DNAH14: variants seen among roughly 807,000 people sequenced by gnomAD.
The protein encoded by DNAH14 is axonemal beta dynein heavy chain 14.
A neutral mutation model predicts 520.9 loss-of-function variants in DNAH14; 478 were observed. That is an observed-to-expected ratio of 0.92 (90% CI 0.85 to 0.99). DNAH14 has a LOEUF of 0.99. Ranked by LOEUF, DNAH14 falls within the 50% of genes least tolerant of loss-of-function variation. The pLI is 0.00. For synonymous variants in DNAH14, 1,581 were observed against 1,757.2 expected (o/e 0.90, Z 2.51); for missense variants, 4,831 against 5,234.5 (o/e 0.92, Z 2.38).
chr1:225,323,878 T>C (rs1292259044), intron 62 of DNAH14, among the ~76,000 whole-genome samples: 1 of 150,778 alleles, frequency 6.6e-6, no homozygotes, highest in African/African-American at 2.4e-5. Flanking sequence ...TGCAGCGGCA[T>C]GATCTTGGCT....
At chr1:225,166,005 G>T (rs1322476878) in intron 35 of DNAH14, among the ~76,000 whole-genome samples, 3 of 151,860 alleles carry the variant, frequency 2.0e-5, no homozygotes, top group Admixed American at 2.0e-4. Flanking sequence ...TGAAGATTTT[G>T]ATTTATATTT....
intron 8 of DNAH14, among the ~76,000 whole-genome samples, chr1:225,000,391 C>T (rs2063677391): frequency 1.3e-5 from 2 of 151,422 alleles, no homozygotes; most frequent in Non-Finnish European, 2.9e-5. Flanking sequence ...TTTGAGTTCC[C>T]TTAGCTTCTT....
In DNAH14 at chr1:225,232,960, C is replaced by A. The variant is rs1279439321; in HGVS notation, c.6518+1809C>A. 6.6e-6 allele frequency among the ~76,000 whole-genome samples: 1 copy of A among 152,128 alleles called. No homozygotes were observed. The highest frequency in any genetic ancestry group is 1.5e-5 in the Non-Finnish European group (1 of 68,024). On this transcript the variant is annotated intron_variant, in intron 42 of 85. Coordinates refer to ENST00000682510, the MANE Select transcript of DNAH14 (RefSeq NM_001367479.1). This position sits in a 1 kb window ranked among gnomAD's most constrained non-coding sequence, Gnocchi z 4.2. Reference sequence around the variant, plus strand: ...TTTCCTGATGCCCTTCCTCCCCTGACCACCACCCCAACAGTCCCCAGTGTG... The same window carrying A: ...TTTCCTGATGCCCTTCCTCCCCTGAACACCACCCCAACAGTCCCCAGTGTG...
intron 17 of DNAH14, among the ~76,000 whole-genome samples, chr1:225,060,359 C>T (rs1464665448): frequency 6.6e-6 from 1 of 152,172 alleles, no homozygotes; most frequent in East Asian, 1.9e-4. Context: ...TGGTTTTCAG[C>T]TCCATCATGT....
chr1:225,122,063 T>C (rs1407793686), intron 26 of DNAH14, among the ~76,000 whole-genome samples: 1 of 152,044 alleles, frequency 6.6e-6, no homozygotes, highest in Non-Finnish European at 1.5e-5. Context: ...TGCTTTCTGA[T>C]TCCAAAAAGA....
intron 11 of DNAH14, among the ~76,000 whole-genome samples, chr1:225,026,931 T>C (rs2066160570): frequency 6.6e-6 from 1 of 151,448 alleles, no homozygotes; most frequent in African/African-American, 2.4e-5. Flanking sequence ...TTTAATTTCT[T>C]TCAATATTTT....
At chr1:225,352,020 C>A in intron 72 of DNAH14, 137 bp downstream of exon 72, 1 of 651,538 alleles carries the variant, frequency 1.5e-6, no homozygotes, top group Non-Finnish European at 2.6e-6. Flanking sequence ...TCAGCATGCA[C>A]ATGTTATTCA....
chr1:225,144,356 A>C, intron 28 of DNAH14, 41 bp from the exon 29 acceptor site: 1 of 1,411,310 alleles, frequency 7.1e-7, no homozygotes, highest in Non-Finnish European at 9.7e-7. Flanking sequence ...CATAAAAATA[A>C]TTTAACCAAA....
intron 64 of DNAH14, among the ~76,000 whole-genome samples, chr1:225,325,454 C>T (rs949786204): frequency 6.7e-6 from 1 of 149,770 alleles, no homozygotes. Context: ...CATTACACTC[C>T]AGCCTGGGCA....
chr1:225,066,484 T>G (rs966007171), intron 17 of DNAH14, among the ~76,000 whole-genome samples: 1 of 152,042 alleles, frequency 6.6e-6, no homozygotes, highest in Non-Finnish European at 1.5e-5. Flanking sequence ...TTTTAAATTT[T>G]TAATTTATTT....
intron 42 of DNAH14, among the ~76,000 whole-genome samples, chr1:225,238,759 C>T (rs1044209263): frequency 6.6e-6 from 1 of 152,016 alleles, no homozygotes; most frequent in African/African-American, 2.4e-5. Flanking sequence ...CCAGCCCCAC[C>T]TCCAGGAGCT....
At chr1:225,059,239 G>C (rs12127298) in intron 17 of DNAH14, among the ~76,000 whole-genome samples, 103,001 of 152,110 alleles carry the variant, frequency 0.68, 40,903 homozygotes, top group Non-Finnish European at 0.88. Context: ...ATTTAGGATA[G>C]TTAGCTCTTC....
chr1:225,369,279 T>G (rs927785676), intron 77 of DNAH14, among the ~76,000 whole-genome samples: 1 of 151,972 alleles, frequency 6.6e-6, no homozygotes, highest in Non-Finnish European at 1.5e-5. Context: ...ATGCATTCTC[T>G]CAATAAAAGG....
chr1:225,082,352 T>C (rs2073237327), intron 19 of DNAH14, among the ~76,000 whole-genome samples, 197 bp from the exon 20 acceptor site: 1 of 152,178 alleles, frequency 6.6e-6, no homozygotes, highest in Non-Finnish European at 1.5e-5. Context: ...CTATTTCTCT[T>C]ATTTTAATGT....
At chr1:225,233,847 A>T (rs1336107369) in intron 42 of DNAH14, among the ~76,000 whole-genome samples, 5 of 152,184 alleles carry the variant, frequency 3.3e-5, no homozygotes, top group Non-Finnish European at 7.4e-5. Flanking sequence ...AATTTTTGTC[A>T]TAAAATTTTT....
At chr1:225,327,316 C>G (rs1197695267) in intron 64 of DNAH14, among the ~76,000 whole-genome samples, 2 of 152,012 alleles carry the variant, frequency 1.3e-5, no homozygotes, top group Non-Finnish European at 1.5e-5. Context: ...CACCACCACG[C>G]CCGGCTAATT....
At chr1:225,355,600 G>T (rs2095420734) in intron 73 of DNAH14, among the ~76,000 whole-genome samples, 1 of 152,138 alleles carries the variant, frequency 6.6e-6, no homozygotes, top group Non-Finnish European at 1.5e-5. Context: ...GGAGACACCA[G>T]CATTCAGACC....
intron 55 of DNAH14, among the ~76,000 whole-genome samples, chr1:225,292,846 T>C (rs1249725825): frequency 6.6e-6 from 1 of 152,186 alleles, no homozygotes; most frequent in Non-Finnish European, 1.5e-5. Flanking sequence ...AGGTATTTTA[T>C]TTTATTTATT....
chr1:225,154,965 G>A (rs544100087), intron 34 of DNAH14, among the ~76,000 whole-genome samples: 82 of 152,044 alleles, frequency 5.4e-4, no homozygotes, highest in African/African-American at 2.0e-3. Flanking sequence ...ACAGGAAAAT[G>A]GGCAAAGGAC....
Sources: gnomAD v4.1 joint callset for allele counts (sites outside exome capture counted in the v4.1 genomes callset) on GRCh38, gnomAD v4.1.1 for gene constraint, Gnocchi (gnomAD v3.1) non-coding constraint, MANE v1.5 for transcripts, NCBI Gene and HGNC (gene_info 2026-07-23, HGNC 2026-07-21) for gene names.